Variants in ATXN1 observed in about 807,000 individuals in gnomAD.
ATXN1 encodes ataxin-1.
ATXN1 carries 8 observed loss-of-function variants against 56.4 expected under a neutral mutation model. That is an observed-to-expected ratio of 0.14 (90% CI 0.08 to 0.26). ATXN1 has a LOEUF of 0.26. ATXN1 is among the 10% of genes least tolerant of loss of function. ATXN1 has a pLI of 1.00. For synonymous variants in ATXN1, 514 were observed against 494.6 expected (o/e 1.04, Z -0.52); for missense variants, 987 against 1,106.5 (o/e 0.89, Z 1.53).
At chr6:16,725,892 A>G (rs1243883377) in intron 2 of ATXN1, among the ~76,000 whole-genome samples, 2 of 152,240 alleles carry the variant, frequency 1.3e-5, no homozygotes, top group Non-Finnish European at 2.9e-5. Context: ...ACAAGTGCAT[A>G]TGGGCAGGAA....
At chr6:16,508,848 A>G (rs1169813286) in intron 5 of ATXN1, among the ~76,000 whole-genome samples, 3 of 152,252 alleles carry the variant, frequency 2.0e-5, no homozygotes, top group Non-Finnish European at 4.4e-5. Flanking sequence ...CACAGTAACC[A>G]AAAGGTGGAA....
At chr6:16,624,215 G>A (rs563891604) in intron 3 of ATXN1, among the ~76,000 whole-genome samples, 29 of 152,164 alleles carry the variant, frequency 1.9e-4, no homozygotes, top group African/African-American at 6.7e-4. Flanking sequence ...GCCAGGCGTC[G>A]TGGCAGGTTC....
At position 16,306,892 on chromosome 6, in the gene ATXN1, A is replaced by G. The variant is rs1358293032; in HGVS notation, c.1918-33T>C. The G allele has an allele frequency of 3.8e-6, 6 of 1,558,914 alleles. No individual in the cohort carries two copies. Among genetic ancestry groups the G allele is most frequent in the Non-Finnish European group, 5.2e-6 (6 of 1,158,188 alleles). On this transcript the variant is annotated intron_variant, in intron 7 of 7. Transcript: ENST00000436367. The surrounding 1 kb of genome is among the most constrained non-coding windows in gnomAD (Gnocchi z 5.2). ...AACAGGGAGAGACAGAGAGAGGAAG[A>G]AGGAAGGGAACAAATGAAAACATTT...
intron 3 of ATXN1, among the ~76,000 whole-genome samples, chr6:16,622,642 A>G (rs1335554766): frequency 1.3e-5 from 2 of 152,182 alleles, no homozygotes; most frequent in African/African-American, 4.8e-5. Context: ...TAAAAGTAAG[A>G]GTGTTCTGCA....
At chr6:16,449,309 T>C (rs75144496) in intron 6 of ATXN1, among the ~76,000 whole-genome samples, 3,252 of 152,208 alleles carry the variant, frequency 0.021, 51 homozygotes, top group Non-Finnish European at 0.035. Context: ...TAAATAAACA[T>C]GTAGTATAAA....
chr6:16,628,137 C>T (rs1763439736), intron 3 of ATXN1, among the ~76,000 whole-genome samples: 1 of 152,226 alleles, frequency 6.6e-6, no homozygotes, highest in South Asian at 2.1e-4. Flanking sequence ...CCATACTGGA[C>T]TGTTCATTCA....
chr6:16,499,032 T>C (rs1318706177), intron 5 of ATXN1, among the ~76,000 whole-genome samples: 1 of 152,206 alleles, frequency 6.6e-6, no homozygotes, highest in East Asian at 1.9e-4. Context: ...TTTTTTTCTT[T>C]TGTTGTTTGT....
intron 3 of ATXN1, chr6:16,652,963 C>T (rs1758099690): frequency 6.6e-6 from 1 of 152,180 alleles, no homozygotes; most frequent in African/African-American, 2.4e-5. Flanking sequence ...AAACTGAATT[C>T]AGGATTGCCA....
chr6:16,688,511 A>G (rs1758965604), intron 2 of ATXN1, among the ~76,000 whole-genome samples: 1 of 152,216 alleles, frequency 6.6e-6, no homozygotes. Context: ...GGCTTTCTCC[A>G]TAGAGCATCA....
chr6:16,739,813 G>A, intron 2 of ATXN1: 1 of 456,636 alleles, frequency 2.2e-6, no homozygotes, highest in Non-Finnish European at 4.4e-6. Context: ...ATGCCTCCTG[G>A]CGAGTTCATA....
intron 6 of ATXN1, among the ~76,000 whole-genome samples, chr6:16,337,841 T>C (rs1211599412): frequency 1.3e-5 from 2 of 152,164 alleles, no homozygotes; most frequent in African/African-American, 2.4e-5. Flanking sequence ...CTCTTCATTA[T>C]CTTATTTCAA....
In ATXN1 at chr6:16,326,508, A is replaced by G. The variant is rs751311537; in HGVS notation, c.1803T>C (p.Ser601=). Residue 601 remains serine (S), a synonymous_variant, in exon 7 of 8, where the codon AGT becomes AGC. Coordinates refer to ENST00000436367, the MANE Select transcript of ATXN1 (RefSeq NM_001128164.2). This position sits in a 1 kb window ranked among gnomAD's most constrained non-coding sequence, Gnocchi z 6.6. ...EDLKTEDFIQ[S]AEISNDLKID... ...TCTTCAGGTCGTTGCTTATCTCTGC[A>G]CTCTGGATGAAATCTTCTGTTTTTA... The G allele has an allele frequency of 7.4e-6, 12 of 1,613,864 alleles. No individual in the cohort carries two copies. In the African/African-American group the frequency reaches 1.5e-4, roughly 20 times the overall value.
At chr6:16,462,775 C>T (rs1006143873) in intron 6 of ATXN1, among the ~76,000 whole-genome samples, 1 of 152,092 alleles carries the variant, frequency 6.6e-6, no homozygotes, top group Non-Finnish European at 1.5e-5. Context: ...ACCTACTATC[C>T]CATCAGTGTA....
At chr6:16,473,716 A>G (rs1378649527) in intron 6 of ATXN1, among the ~76,000 whole-genome samples, 3 of 152,146 alleles carry the variant, frequency 2.0e-5, no homozygotes, top group Admixed American at 2.0e-4. Flanking sequence ...GAGTTCTCCC[A>G]CCAGATTCAT....
At chr6:16,395,995 C>A (rs186674642) in intron 6 of ATXN1, among the ~76,000 whole-genome samples, 35 of 116,144 alleles carry the variant, frequency 3.0e-4, no homozygotes, top group African/African-American at 1.2e-3. Flanking sequence ...AGCCTGGTGA[C>A]AGAGCGAGAC....
intron 4 of ATXN1, among the ~76,000 whole-genome samples, chr6:16,580,152 C>T (rs1427066959): frequency 1.3e-5 from 2 of 152,130 alleles, no homozygotes; most frequent in African/African-American, 4.8e-5. Context: ...TATTTGAACA[C>T]TGATGAAATG....
intron 4 of ATXN1, among the ~76,000 whole-genome samples, chr6:16,584,516 ACTC>A (rs1762588534): frequency 6.6e-6 from 1 of 151,630 alleles, no homozygotes; most frequent in Admixed American, 6.6e-5. Flanking sequence ...GGACCCTTCT[ACTC>A]CTTCTGGATT....
Position 16,306,506 on chromosome 6 carries a change from G to T in ATXN1, c.2271C>A (p.Phe757Leu). The T allele has an allele frequency of 6.2e-7, 1 of 1,614,196 alleles. No individual in the cohort carries two copies. Among genetic ancestry groups the T allele is most frequent in the African/African-American group, 1.3e-5 (1 of 75,046 alleles). The change falls in exon 8 of 8, where the codon TTC becomes TTA. Residue 757 changes from phenylalanine to leucine, a missense_variant. By Grantham distance (22) the Phe-to-Leu change is conservative. This residue lies in a region of ATXN1 where 196 missense variants were observed against 196.7 expected (regional missense o/e 1.00). Coordinates refer to ENST00000436367, the MANE Select transcript of ATXN1 (RefSeq NM_001128164.2). The surrounding 1 kb of genome is among the most constrained non-coding windows in gnomAD (Gnocchi z 5.2). ...PEKMGLPAAP[F>L]LTKIEPSKPA... ...GCTTGCTGGGTTCTATTTTGGTGAGGAAGGGCGCTGCAGGCAATCCCATTT... is the reference window on the plus strand; with the variant it reads ...GCTTGCTGGGTTCTATTTTGGTGAGTAAGGGCGCTGCAGGCAATCCCATTT...
chr6:16,428,647 A>G (rs763558418), intron 6 of ATXN1, among the ~76,000 whole-genome samples: 1 of 152,154 alleles, frequency 6.6e-6, no homozygotes, highest in East Asian at 1.9e-4. Context: ...GGAGAGTTTC[A>G]GCACTTACCC....
Sources: allele counts gnomAD v4.1 joint callset (sites outside exome capture counted in the v4.1 genomes callset), GRCh38; gene constraint gnomAD v4.1.1; regional missense constraint gnomAD v4.1.1; non-coding constraint Gnocchi (gnomAD v3.1); transcripts MANE v1.5; gene names NCBI Gene and HGNC (gene_info 2026-07-23, HGNC 2026-07-21).